SATB1: variants seen among roughly 807,000 people sequenced by gnomAD.
SATB1 encodes DNA-binding protein SATB1.
In SATB1, 11 loss-of-function variants were observed where a neutral mutation model predicts 86.9. That is an observed-to-expected ratio of 0.13 (90% CI 0.08 to 0.21). The LOEUF (loss-of-function observed/expected upper bound fraction) is 0.21. Among genes scored for constraint, SATB1 ranks in the 10% least tolerant of loss-of-function variants. The pLI is 1.00. For missense variants in SATB1, 551 were observed against 937.6 expected, an observed-to-expected ratio of 0.59 and a Z score of 5.39; for synonymous variants, 357 against 357.2, an observed-to-expected ratio of 1.00 and a Z score of 0.01.
chr3:18,418,277 G>C (rs1698219732), intron 2 of SATB1, among the ~76,000 whole-genome samples: 1 of 152,076 alleles, frequency 6.6e-6, no homozygotes. Flanking sequence ...CTAAAAATCA[G>C]GATTTCCTAC....
At position 18,349,585 on chromosome 3, in the gene SATB1, G is replaced by A. The variant is rs748947180; in HGVS notation, c.1877C>T (p.Pro626Leu). The part of the protein sequence containing the change: ...QQPQTGPRLP[P>L]RQPTVASPAE... Reference sequence around the variant, plus strand: ...TGGAGAGGCCACCGTGGGTTGCCGTGGGGGGAGCCGAGGGCCTGTCTGTGG... The same window carrying A: ...TGGAGAGGCCACCGTGGGTTGCCGTAGGGGGAGCCGAGGGCCTGTCTGTGG... The change falls in exon 11 of 11, where the codon CCA (proline) becomes CTA (leucine). Residue 626 changes from proline to leucine, a missense_variant. Pro to Leu is a moderately conservative substitution (Grantham distance 98). Coordinates refer to ENST00000338745, the MANE Select transcript of SATB1 (RefSeq NM_002971.6). This position sits in a 1 kb window ranked among gnomAD's most constrained non-coding sequence, Gnocchi z 5.5. 6.2e-6 allele frequency: 10 copies of A among 1,613,434 alleles called. No individual in the cohort carries two copies. Among genetic ancestry groups the A allele is most frequent in the Non-Finnish European group, 5.9e-6 (7 of 1,179,916 alleles).
chr3:18,380,426 TTCTTTGGTTAA>T (rs1175712769), intron 8 of SATB1, among the ~76,000 whole-genome samples: 3 of 151,266 alleles, frequency 2.0e-5, no homozygotes, highest in African/African-American at 7.4e-5. Flanking sequence ...TTCTAAAAAC[TTCTTTGGTTAA>T]TTTTTTTTTT....
intron 5 of SATB1, among the ~76,000 whole-genome samples, chr3:18,407,800 TTAAAAAG>T (rs971268258): frequency 3.9e-4 from 60 of 151,926 alleles, no homozygotes; most frequent in Non-Finnish European, 6.5e-4. Flanking sequence ...AACAGTCCCA[TTAAAAAG>T]TAAAAAGAAA....
At chr3:18,379,961 A>G in intron 8 of SATB1, among the ~76,000 whole-genome samples, 1 of 152,184 alleles carries the variant, frequency 6.6e-6, no homozygotes, top group South Asian at 2.1e-4. Flanking sequence ...CCACTAGAAC[A>G]CATACAGGGC....
rs75396275 is a variant in SATB1 at position 18,406,952 on chromosome 3, T to C, written c.639+8159A>G. Among the ~76,000 whole-genome samples the C allele has an allele frequency of 2.3e-3, 351 of 152,174 alleles. 2 individuals carry two copies. Among genetic ancestry groups the C allele is most frequent in the African/African-American group, 7.5e-3 (311 of 41,556 alleles). ...CGAATATTCCCGAGTTCCTACTGTGTGTCAGGATCTATGACAGTGATGAAT... is the reference window on the plus strand; with the variant it reads ...CGAATATTCCCGAGTTCCTACTGTGCGTCAGGATCTATGACAGTGATGAAT... On this transcript the variant is annotated intron_variant, in intron 5 of 10. Transcript: ENST00000338745.
chr3:18,373,274 C>G (rs1319379003), intron 9 of SATB1, among the ~76,000 whole-genome samples: 2 of 152,190 alleles, frequency 1.3e-5, no homozygotes, highest in Non-Finnish European at 2.9e-5. Flanking sequence ...CCATGATTCT[C>G]AAATCTGCAG....
rs191012949 is a variant in SATB1 at position 18,404,004 on chromosome 3, C to T, written c.640-6714G>A. ...AAACTTTAACTTCACATCAACTACA[C>T]ATTCAAATACAATTTTCACAGGGAT... On this transcript the variant is annotated intron_variant, in intron 5 of 10. Coordinates refer to ENST00000338745, the MANE Select transcript of SATB1 (RefSeq NM_002971.6). Among the ~76,000 whole-genome samples the T allele has an allele frequency of 3.2e-4, 48 of 152,182 alleles. No homozygotes were observed. The East Asian group carries it at 7.9e-3, about 25-fold the overall frequency.
chr3:18,379,812 GC>G (rs1385166340), intron 8 of SATB1, among the ~76,000 whole-genome samples: 11 of 152,172 alleles, frequency 7.2e-5, no homozygotes, highest in African/African-American at 1.2e-4. Context: ...TGGCCCGCAG[GC>G]CTGAAGGGGA....
At chr3:18,407,384 A>G (rs1021188830) in intron 5 of SATB1, among the ~76,000 whole-genome samples, 2 of 152,056 alleles carry the variant, frequency 1.3e-5, no homozygotes, top group African/African-American at 4.8e-5. Flanking sequence ...TGTTTTCACT[A>G]AAAATGAAGA....
At chr3:18,421,298 G>A in intron 1 of SATB1, 1 of 202,964 alleles carries the variant, frequency 4.9e-6, no homozygotes, top group Middle Eastern at 1.9e-3. Flanking sequence ...TACAAGTATA[G>A]CTAAAAAGAA....
At chr3:18,404,316 G>A (rs1232287945) in intron 5 of SATB1, among the ~76,000 whole-genome samples, 3 of 151,878 alleles carry the variant, frequency 2.0e-5, no homozygotes, top group African/African-American at 7.2e-5. Flanking sequence ...TATTCTCTTG[G>A]GAGATACAAC....
At chr3:18,397,951 C>A (rs773180190) in intron 5 of SATB1, among the ~76,000 whole-genome samples, 7 of 152,178 alleles carry the variant, frequency 4.6e-5, no homozygotes, top group Non-Finnish European at 1.0e-4. Flanking sequence ...TCACAGAGAT[C>A]CTCTATCAAG....
intron 9 of SATB1, among the ~76,000 whole-genome samples, chr3:18,358,088 TG>T (rs1694738120): frequency 6.6e-6 from 1 of 151,998 alleles, no homozygotes; most frequent in South Asian, 2.1e-4. Flanking sequence ...CATTTTTTGG[TG>T]GCAAAGTGGT....
intron 5 of SATB1, among the ~76,000 whole-genome samples, chr3:18,399,561 C>T (rs996623631): frequency 2.0e-5 from 3 of 152,072 alleles, no homozygotes; most frequent in Non-Finnish European, 2.9e-5. Flanking sequence ...TATTATTATT[C>T]GTACATGGAA....
chr3:18,423,237 C>A (rs1382400101), intron 1 of SATB1, among the ~76,000 whole-genome samples: 1 of 152,182 alleles, frequency 6.6e-6, no homozygotes, highest in Non-Finnish European at 1.5e-5. Context: ...GGTTGCCACA[C>A]AGAAAGCAAG....
At chr3:18,445,552 C>T in exon 1 of SATB1, 2 of 984,460 alleles carry the variant, frequency 2.0e-6, no homozygotes, top group African/African-American at 1.7e-5. Context: ...CACTCCTCCT[C>T]TTGTCGCCTG....
intron 5 of SATB1, among the ~76,000 whole-genome samples, chr3:18,405,010 T>C (rs1425944154): frequency 6.6e-6 from 1 of 151,982 alleles, no homozygotes; most frequent in Non-Finnish European, 1.5e-5. Context: ...AAAGATTCAA[T>C]TGTAACGCAC....
chr3:18,388,914 A>G (rs1466342633), intron 7 of SATB1, among the ~76,000 whole-genome samples: 2 of 152,154 alleles, frequency 1.3e-5, no homozygotes, highest in African/African-American at 4.8e-5. Context: ...ATAGTGAGAA[A>G]GTCAAATACA....
In SATB1 at chr3:18,345,997, C is replaced by T. The variant is rs966047762; in HGVS notation, c.*3173G>A. On this transcript the variant is annotated 3_prime_UTR_variant, in exon 11 of 11. Coordinates refer to ENST00000338745, the MANE Select transcript of SATB1 (RefSeq NM_002971.6). ...TTTAGATAAACACAGATATAGATAT[C>T]GCTACTTTGAAAAAAATCACTTATT... is the stretch of plus-strand genomic sequence containing the variant. The T allele has an allele frequency of 2.0e-5, 3 of 151,980 alleles. No individual in the cohort carries two copies. Among genetic ancestry groups the T allele is most frequent in the Non-Finnish European group, 2.9e-5 (2 of 67,950 alleles). The allele number at this position is 151,980 out of a possible 1,614,324, so 9.4% of individuals were successfully genotyped here.
Sources: gnomAD v4.1 joint callset for allele counts (sites outside exome capture counted in the v4.1 genomes callset) on GRCh38, gnomAD v4.1.1 for gene constraint, Gnocchi (gnomAD v3.1) non-coding constraint, MANE v1.5 for transcripts, NCBI Gene and HGNC (gene_info 2026-07-23, HGNC 2026-07-21) for gene names.